The following MXI1 variants were observed in gnomAD, a reference collection of about 807,000 sequenced individuals.
MXI1 encodes the protein MAX interactor 1, dimerization protein, also known as max-interacting protein 1.
A neutral mutation model predicts 36.9 loss-of-function variants in MXI1; 18 were observed. The ratio of observed to expected loss-of-function variants is 0.49; its 90% CI spans 0.34 to 0.72. The LOEUF (loss-of-function observed/expected upper bound fraction) is 0.72. MXI1 is among the 30% of genes least tolerant of loss of function. The probability of loss-of-function intolerance (pLI) is 0.01; values close to 1 mark genes in which losing one functional copy is unlikely to be tolerated. For synonymous variants in MXI1, 160 were observed against 146.7 expected (o/e 1.09, Z -0.65); for missense variants, 304 against 379.1 (o/e 0.80, Z 1.64).
intron 3 of MXI1, among the ~76,000 whole-genome samples, chr10:110,277,675 A>G (rs187028400): frequency 1.3e-5 from 2 of 152,374 alleles, no homozygotes; most frequent in East Asian, 3.9e-4. Context: ...GTCAGGTTTC[A>G]GCCTGGACCC....
rs1485289253 is a variant in MXI1 at position 110,219,235 on chromosome 10, G to C, written c.275-8954G>C. On this transcript the variant is annotated intron_variant, in intron 1 of 5. Coordinates refer to ENST00000332674, the MANE Select transcript of MXI1 (RefSeq NM_130439.3). ...GAATTGCTTGAACCTGAGAGGCGGA[G>C]CTTGCAGTGAGCCAAGGTCGTGCCA... 7.9e-5 allele frequency among the ~76,000 whole-genome samples: 12 copies of C among 152,346 alleles called. No individual in the cohort carries two copies. The East Asian group carries it at 2.1e-3, about 27-fold the overall frequency.
At chr10:110,218,911 G>A (rs1344821555) in intron 1 of MXI1, among the ~76,000 whole-genome samples, 1 of 152,208 alleles carries the variant, frequency 6.6e-6, no homozygotes, top group Admixed American at 6.5e-5. Flanking sequence ...CGCTGCCACC[G>A]TGACAGTGTG....
intron 2 of MXI1, 89 bp from the exon 3 acceptor site, chr10:110,244,739 C>T (rs1453580238): frequency 5.8e-6 from 6 of 1,035,930 alleles, no homozygotes; most frequent in Non-Finnish European, 7.1e-6. Context: ...AATAAATTCA[C>T]TAGGTGTAGC....
chr10:110,275,351 A>G (rs1475585531), intron 3 of MXI1, among the ~76,000 whole-genome samples: 2 of 152,190 alleles, frequency 1.3e-5, no homozygotes, highest in Non-Finnish European at 2.9e-5. Context: ...ATCAAAAGAT[A>G]TGCCTTTCTA....
At chr10:110,214,533 A>G (rs901186231) in intron 1 of MXI1, among the ~76,000 whole-genome samples, 10 of 150,588 alleles carry the variant, frequency 6.6e-5, no homozygotes, top group Admixed American at 2.0e-4. Flanking sequence ...TTGCCTTTTG[A>G]AAAAAAAACC....
At chr10:110,254,917 C>T (rs984531722) in intron 3 of MXI1, among the ~76,000 whole-genome samples, 1 of 152,162 alleles carries the variant, frequency 6.6e-6, no homozygotes, top group Admixed American at 6.5e-5. Flanking sequence ...AAGGTGGAAG[C>T]TGTAGCAAAT....
chr10:110,276,101 A>G (rs1292989476), intron 3 of MXI1, among the ~76,000 whole-genome samples: 1 of 152,250 alleles, frequency 6.6e-6, no homozygotes, highest in African/African-American at 2.4e-5. Context: ...ATTTCCATAT[A>G]GAATTCCAGC....
intron 3 of MXI1, among the ~76,000 whole-genome samples, chr10:110,276,838 CTTTTCTTTTTTT>C (rs1857050903): frequency 6.8e-6 from 1 of 147,870 alleles, no homozygotes; most frequent in South Asian, 2.1e-4. Flanking sequence ...TCTTTCTTTT[CTTTTCTTTTTTT>C]TTTTTTTTCT....
intron 2 of MXI1, among the ~76,000 whole-genome samples, chr10:110,243,084 C>T (rs933507899): frequency 1.3e-5 from 2 of 151,856 alleles, no homozygotes; most frequent in Admixed American, 6.6e-5. Flanking sequence ...TTTCCCTCTT[C>T]TAACTTGACT....
intron 2 of MXI1, among the ~76,000 whole-genome samples, chr10:110,233,515 A>C (rs1398883065): frequency 6.6e-6 from 1 of 152,068 alleles, no homozygotes; most frequent in East Asian, 1.9e-4. Context: ...TTTTTCTACT[A>C]TTCTGTGTTT....
chr10:110,225,152 A>G (rs1051717918), intron 1 of MXI1, among the ~76,000 whole-genome samples: 2 of 152,220 alleles, frequency 1.3e-5, no homozygotes, highest in African/African-American at 2.4e-5. Context: ...CTCTCTTACT[A>G]TGCAAACTAA....
intron 3 of MXI1, among the ~76,000 whole-genome samples, chr10:110,254,712 G>A (rs1856223937): frequency 6.6e-6 from 1 of 152,162 alleles, no homozygotes; most frequent in African/African-American, 2.4e-5. Context: ...TTAGTAGTCT[G>A]TATAGAAACC....
intron 5 of MXI1, among the ~76,000 whole-genome samples, chr10:110,283,178 C>G (rs1332000102): frequency 6.6e-6 from 1 of 152,072 alleles, no homozygotes; most frequent in Non-Finnish European, 1.5e-5. Flanking sequence ...TCTAGAATCT[C>G]TAAAACTTTT....
Position 110,274,992 on chromosome 10 carries a change from A to G in MXI1, c.438-4188A>G, listed in dbSNP as rs547191676. Among the ~76,000 whole-genome samples, 164 of 148,216 alleles carry G rather than the reference A, an allele frequency of 1.1e-3. 1 individual carries two copies. The South Asian group carries it at 0.013, about 12-fold the overall frequency. Reference sequence around the variant, plus strand: ...TGGGTTCAAGCGATTCTCCTGCCTCAGCCGACAGAGTAGCTGGGATTACAG... The same window carrying G: ...TGGGTTCAAGCGATTCTCCTGCCTCGGCCGACAGAGTAGCTGGGATTACAG... On this transcript the variant is annotated intron_variant, in intron 3 of 5. Transcript: ENST00000332674.
At chr10:110,254,402 A>T (rs550304684) in intron 3 of MXI1, among the ~76,000 whole-genome samples, 7 of 152,066 alleles carry the variant, frequency 4.6e-5, no homozygotes, top group African/African-American at 1.7e-4. Context: ...TCTCCCTCTT[A>T]TTGTCCCTGA....
chr10:110,228,096 A>G (rs1162972962), intron 1 of MXI1, 93 bp from the exon 2 acceptor site: 11 of 1,445,394 alleles, frequency 7.6e-6, no homozygotes, highest in Non-Finnish European at 1.1e-5. Context: ...CCTGCTTTCA[A>G]AAACCTGTTA....
chr10:110,285,176 C>T lies in MXI1; in HGVS notation c.*189C>T. 2.3e-6 allele frequency: 1 copy of T among 438,056 alleles called. No homozygotes were observed. The highest frequency in any genetic ancestry group is 3.9e-6 in the Non-Finnish European group (1 of 258,414). 27.1% of individuals were successfully genotyped at this position (438,056 alleles called of 1,614,324 possible). On this transcript the variant is annotated 3_prime_UTR_variant, in exon 6 of 6. Coordinates refer to ENST00000332674, the MANE Select transcript of MXI1 (RefSeq NM_130439.3). ...ATACTTAGCAAAAAGTGGGGCAGAGCCTCCCAAGGAGAACAAATATTCAGA... is the reference window on the plus strand; with the variant it reads ...ATACTTAGCAAAAAGTGGGGCAGAGTCTCCCAAGGAGAACAAATATTCAGA...
chr10:110,227,717 C>T (rs1249764163), intron 1 of MXI1: 1 of 223,188 alleles, frequency 4.5e-6, no homozygotes. Flanking sequence ...GTAGAGATGG[C>T]GCAGAAAGAC....
At chr10:110,210,175 G>A in intron 1 of MXI1, 1 of 883,682 alleles carries the variant, frequency 1.1e-6, no homozygotes, top group Non-Finnish European at 1.4e-6. Flanking sequence ...GGGCGGGCCC[G>A]TGGCGGCGTA....
Sources: allele counts gnomAD v4.1 joint callset (sites outside exome capture counted in the v4.1 genomes callset), GRCh38; gene constraint gnomAD v4.1.1; transcripts MANE v1.5; gene names NCBI Gene and HGNC (gene_info 2026-07-23, HGNC 2026-07-21).